The following CCPG1 variants were observed in gnomAD, a reference collection of about 807,000 sequenced individuals.
The protein encoded by CCPG1 is cell cycle progression 1, also known as cell cycle progression protein 1.
Under a neutral mutation model 81.3 loss-of-function variants are expected in CCPG1, and 46 were observed. That is an observed-to-expected ratio of 0.57 (90% CI 0.45 to 0.72). The LOEUF (loss-of-function observed/expected upper bound fraction) is 0.72, where lower values mean the gene tolerates loss of function less well. Among genes scored for constraint, CCPG1 ranks in the 30% least tolerant of loss-of-function variants. The probability of loss-of-function intolerance (pLI) is 0.00; values close to 1 mark genes in which losing one functional copy is unlikely to be tolerated. For missense variants in CCPG1, 902 were observed against 937.6 expected (o/e 0.96, Z 0.50); for synonymous variants, 330 against 305.2 (o/e 1.08, Z -0.85).
intron 3 of CCPG1, among the ~76,000 whole-genome samples, chr15:55,383,894 G>C (rs2056750187): frequency 6.6e-6 from 1 of 152,164 alleles, no homozygotes; most frequent in African/African-American, 2.4e-5. Flanking sequence ...TTTTCTCCAT[G>C]TCAGCAATAA....
intron 6 of CCPG1, among the ~76,000 whole-genome samples, chr15:55,368,413 C>G (rs1026504003): frequency 6.6e-6 from 1 of 152,128 alleles, no homozygotes; most frequent in Non-Finnish European, 1.5e-5. Flanking sequence ...CTTACCACCT[C>G]CAGGATAATT....
At position 55,359,583 on chromosome 15, in the gene CCPG1, A is replaced by G; in HGVS notation, c.2190T>C (p.Tyr730=). 1 of 1,602,634 alleles carries G rather than the reference A, an allele frequency of 6.2e-7. No homozygotes were observed. The part of the protein sequence containing the change: ...GVFEKLDEYI[Y]RHFFGHTFSP... ...AAAAAGTGTGACCAAAGAAGTGTCTATATATATATTCATCCAACTTCTCAA... is the reference window on the plus strand; with the variant it reads ...AAAAAGTGTGACCAAAGAAGTGTCTGTATATATATTCATCCAACTTCTCAA... Residue 730 remains tyrosine, a synonymous_variant, in exon 8 of 9, where the codon TAT becomes TAC. Coordinates refer to ENST00000442196, the MANE Select transcript of CCPG1 (RefSeq NM_001204450.2).
intron 1 of CCPG1, among the ~76,000 whole-genome samples, chr15:55,396,303 G>A (rs1156856132): frequency 6.6e-6 from 1 of 152,152 alleles, no homozygotes; most frequent in Non-Finnish European, 1.5e-5. Context: ...TTACAGGACA[G>A]TTACAAAGGC....
chr15:55,389,282 G>C (rs1472962460), intron 2 of CCPG1, 83 bp downstream of exon 2: 8 of 993,114 alleles, frequency 8.1e-6, no homozygotes, highest in Non-Finnish European at 1.2e-5. Context: ...GGTAGAAAAA[G>C]ACTGATCTTC....
Position 55,355,265 on chromosome 15 carries a change from T to TAAAC in CCPG1, c.*951_*954dup. 1 of 1,583,586 alleles carries TAAAC rather than the reference T, an allele frequency of 6.3e-7. No homozygotes were observed. ...CAGCAAAATGTAGCCTTTATTTACT[T>TAAAC]AAACATTTATTTGCTTCTAGGAAAT... On this transcript the variant is annotated 3_prime_UTR_variant, in exon 9 of 9. Transcript: ENST00000442196.
At chr15:55,366,678 A>C (rs2056335088) in intron 6 of CCPG1, among the ~76,000 whole-genome samples, 1 of 152,166 alleles carries the variant, frequency 6.6e-6, no homozygotes, top group African/African-American at 2.4e-5. Flanking sequence ...AGGCTGCGGC[A>C]GGAGAATCGC....
intron 1 of CCPG1, among the ~76,000 whole-genome samples, chr15:55,407,695 G>GTATT (rs1391940076): frequency 1.3e-5 from 2 of 152,172 alleles, no homozygotes; most frequent in African/African-American, 4.8e-5. Flanking sequence ...ATATGGAGAG[G>GTATT]TATTTGATCA....
chr15:55,364,422 C>T (rs572189808), intron 7 of CCPG1, among the ~76,000 whole-genome samples: 4 of 150,922 alleles, frequency 2.7e-5, no homozygotes, highest in East Asian at 2.0e-4. Flanking sequence ...ATGTTTGCTT[C>T]GCTCTGTGAA....
intron 4 of CCPG1, among the ~76,000 whole-genome samples, chr15:55,377,911 T>TAGAA (rs112562466): frequency 0.012 from 1,680 of 138,756 alleles, 13 homozygotes; most frequent in Non-Finnish European, 0.017. Context: ...GTCAGATCAG[T>TAGAA]ACAGACTAAA....
intron 6 of CCPG1, 110 bp from the exon 7 acceptor site, chr15:55,365,419 G>GTTTTTTTTTT (rs111247245): frequency 4.2e-6 from 2 of 478,400 alleles, no homozygotes; most frequent in Non-Finnish European, 3.4e-6. Flanking sequence ...TCTTTTTTTT[G>GTTTTTTTTTT]TTTTTTTTTT....
chr15:55,389,148 A>G (rs1173934313), intron 2 of CCPG1, among the ~76,000 whole-genome samples: 2 of 151,968 alleles, frequency 1.3e-5, no homozygotes, highest in East Asian at 1.9e-4. Context: ...CAAACCTTCA[A>G]TAAATATTTG....
intron 2 of CCPG1, among the ~76,000 whole-genome samples, chr15:55,388,409 T>G (rs1292578560): frequency 1.3e-5 from 2 of 152,136 alleles, no homozygotes; most frequent in East Asian, 3.9e-4. Context: ...TGTGATAGGG[T>G]TCTGGCCTTT....
intron 1 of CCPG1, among the ~76,000 whole-genome samples, chr15:55,400,578 C>A (rs1044011689): frequency 8.3e-5 from 11 of 132,580 alleles, no homozygotes; most frequent in Admixed American, 7.9e-4. Context: ...CAAAACAAAA[C>A]AAACAAAAAA....
At chr15:55,396,232 A>G (rs1206210680) in intron 1 of CCPG1, among the ~76,000 whole-genome samples, 1 of 152,170 alleles carries the variant, frequency 6.6e-6, no homozygotes, top group Admixed American at 6.5e-5. Flanking sequence ...ACCATTGGTA[A>G]ATGTATAAAC....
chr15:55,369,074 T>A (rs2056392351), intron 6 of CCPG1, among the ~76,000 whole-genome samples: 1 of 151,882 alleles, frequency 6.6e-6, no homozygotes, highest in Admixed American at 6.6e-5. Context: ...ATCATACCAC[T>A]GCACTCCAGC....
intron 1 of CCPG1, among the ~76,000 whole-genome samples, chr15:55,390,554 A>C (rs1220509237): frequency 6.6e-6 from 1 of 152,242 alleles, no homozygotes; most frequent in Non-Finnish European, 1.5e-5. Flanking sequence ...ATATGGAACT[A>C]GTGCTCAAAT....
chr15:55,393,116 A>G (rs184686662), intron 1 of CCPG1, among the ~76,000 whole-genome samples: 56 of 151,942 alleles, frequency 3.7e-4, no homozygotes, highest in Non-Finnish European at 5.7e-4. Flanking sequence ...AAATAAATAA[A>G]TTAATTAATT....
intron 1 of CCPG1, among the ~76,000 whole-genome samples, chr15:55,405,267 C>T (rs142148180): frequency 4.6e-5 from 7 of 151,974 alleles, no homozygotes; most frequent in Admixed American, 6.6e-5. Flanking sequence ...GAGGGTGAGG[C>T]GGGAGAACCA....
intron 6 of CCPG1, among the ~76,000 whole-genome samples, chr15:55,367,501 A>G (rs777246733): frequency 1.3e-5 from 2 of 152,150 alleles, no homozygotes; most frequent in Non-Finnish European, 2.9e-5. Flanking sequence ...ACCATGTTGC[A>G]GCGCTGTCAG....
Sources: allele counts gnomAD v4.1 joint callset (sites outside exome capture counted in the v4.1 genomes callset), GRCh38; gene constraint gnomAD v4.1.1; transcripts MANE v1.5; gene names NCBI Gene and HGNC (gene_info 2026-07-23, HGNC 2026-07-21).